The following OCA2 variants were observed in gnomAD, a reference collection of about 807,000 sequenced individuals.
OCA2 encodes the protein OCA2 melanosomal transmembrane protein.
A neutral mutation model predicts 100.2 loss-of-function variants in OCA2; 77 were observed. The ratio of observed to expected loss-of-function variants is 0.77; its 90% CI spans 0.64 to 0.93. OCA2 has a LOEUF of 0.93. Ranked by LOEUF, OCA2 falls within the 40% of genes least tolerant of loss-of-function variation. The probability of loss-of-function intolerance (pLI) is 0.00; values close to 1 mark genes in which losing one functional copy is unlikely to be tolerated. For missense variants in OCA2, 1,062 were observed against 1,089.1 expected (o/e 0.98, Z 0.35); for synonymous variants, 432 against 439.2 (o/e 0.98, Z 0.21).
chr15:28,054,150 T>C (rs2043608222), intron 2 of OCA2, among the ~76,000 whole-genome samples: 1 of 152,234 alleles, frequency 6.6e-6, no homozygotes, highest in South Asian at 2.1e-4. Context: ...ATACAAATAC[T>C]GTACATATAT....
At chr15:27,736,277 C>T in the OCA2 span, among the ~76,000 whole-genome samples, 1 of 152,146 alleles carries the variant, frequency 6.6e-6, no homozygotes, top group East Asian at 1.9e-4. Context: ...TCCTGATGGA[C>T]TATCCCCAGA....
At chr15:27,959,638 G>A (rs978506390) in intron 15 of OCA2, among the ~76,000 whole-genome samples, 2 of 152,128 alleles carry the variant, frequency 1.3e-5, no homozygotes, top group Non-Finnish European at 2.9e-5. Flanking sequence ...CCAGCCCCTG[G>A]GTGCGGGCTG....
intron 2 of OCA2, among the ~76,000 whole-genome samples, chr15:28,077,284 C>T (rs1353691611): frequency 1.3e-5 from 2 of 152,114 alleles, no homozygotes; most frequent in Non-Finnish European, 2.9e-5. Flanking sequence ...GTCTCGAACT[C>T]CTGACCTCAG....
chr15:27,888,194 A>T (rs1378723267), intron 19 of OCA2, among the ~76,000 whole-genome samples: 3 of 152,232 alleles, frequency 2.0e-5, no homozygotes, highest in Non-Finnish European at 4.4e-5. Context: ...GGCAGCACCC[A>T]GCAGCACTGG....
At chr15:27,998,376 A>C in intron 9 of OCA2, among the ~76,000 whole-genome samples, 2 of 93,660 alleles carry the variant, frequency 2.1e-5, no homozygotes, top group African/African-American at 5.4e-5. Context: ...ACCCCATCAA[A>C]AAGTGGGTGA....
intron 9 of OCA2, among the ~76,000 whole-genome samples, chr15:28,005,395 C>T (rs1446854335): frequency 6.6e-6 from 1 of 152,158 alleles, no homozygotes; most frequent in African/African-American, 2.4e-5. Context: ...GTTTCCCGGG[C>T]TGCTGTCACC....
chr15:27,769,541 G>C (rs58621774), intron 23 of OCA2, among the ~76,000 whole-genome samples: 7,154 of 152,104 alleles, frequency 0.047, 554 homozygotes, highest in African/African-American at 0.16. Flanking sequence ...TTGGGTGCAG[G>C]GCACACTGCT....
chr15:28,019,321 G>C (rs760100996), intron 6 of OCA2, among the ~76,000 whole-genome samples: 1 of 150,680 alleles, frequency 6.6e-6, no homozygotes, highest in Non-Finnish European at 1.5e-5. Flanking sequence ...GGAAGGGAGG[G>C]AGGAAGAGAA....
At chr15:27,830,725 C>T (rs1222007965) in intron 23 of OCA2, among the ~76,000 whole-genome samples, 1 of 152,108 alleles carries the variant, frequency 6.6e-6, no homozygotes, top group Non-Finnish European at 1.5e-5. Flanking sequence ...AGCTTCAAGT[C>T]ATTTCATAGC....
intron 9 of OCA2, among the ~76,000 whole-genome samples, chr15:28,007,342 T>C (rs2042117117): frequency 6.6e-6 from 1 of 152,342 alleles, no homozygotes; most frequent in Admixed American, 6.5e-5. Context: ...GAATGCTGCA[T>C]TGGGAAATCT....
At chr15:27,906,850 C>CA (rs1264606938) in intron 19 of OCA2, among the ~76,000 whole-genome samples, 1 of 152,164 alleles carries the variant, frequency 6.6e-6, no homozygotes, top group African/African-American at 2.4e-5. Context: ...AACATCCACT[C>CA]AGCTTCTGGT....
At chr15:27,893,904 A>C (rs2037573959) in intron 19 of OCA2, among the ~76,000 whole-genome samples, 1 of 152,160 alleles carries the variant, frequency 6.6e-6, no homozygotes, top group South Asian at 2.1e-4. Flanking sequence ...CCTCAGAAGC[A>C]TGTGATCTTT....
intron 15 of OCA2, among the ~76,000 whole-genome samples, chr15:27,963,736 T>A (rs966758583): frequency 2.0e-5 from 3 of 150,906 alleles, no homozygotes; most frequent in Admixed American, 2.0e-4. Context: ...AGCCTGAAAG[T>A]AAGCAGAAAA....
chr15:27,739,759 T>G, the OCA2 span, among the ~76,000 whole-genome samples: 1 of 152,028 alleles, frequency 6.6e-6, no homozygotes, highest in South Asian at 2.1e-4. Context: ...ATTAATGATT[T>G]CTAAGCACAT....
intron 23 of OCA2, among the ~76,000 whole-genome samples, chr15:27,842,464 C>G (rs761485338): frequency 6.6e-6 from 1 of 152,196 alleles, no homozygotes; most frequent in African/African-American, 2.4e-5. Flanking sequence ...GAAAATAAAT[C>G]TTTGAGTTAG....
intron 23 of OCA2, among the ~76,000 whole-genome samples, chr15:27,780,358 T>C (rs1319870577): frequency 6.6e-6 from 1 of 152,210 alleles, no homozygotes; most frequent in African/African-American, 2.4e-5. Context: ...CATTCCCCTT[T>C]GGAATATGGG....
chr15:27,867,487 T>G (rs773962308), intron 21 of OCA2, among the ~76,000 whole-genome samples: 1 of 151,868 alleles, frequency 6.6e-6, no homozygotes, highest in Non-Finnish European at 1.5e-5. Flanking sequence ...AAAAAGAATT[T>G]AAAATAAATA....
chr15:27,887,003 C>G (rs2037249436), intron 19 of OCA2, among the ~76,000 whole-genome samples: 1 of 152,198 alleles, frequency 6.6e-6, no homozygotes, highest in South Asian at 2.1e-4. Context: ...GGGGGCTGCT[C>G]TTTCCCAGCT....
chr15:27,992,366 CTGGGATTAT>C (rs1030454118), intron 9 of OCA2, among the ~76,000 whole-genome samples: 25 of 152,328 alleles, frequency 1.6e-4, no homozygotes, highest in African/African-American at 5.8e-4. Flanking sequence ...TCCCAAACTG[CTGGGATTAT>C]AGGCATGAGC....
Sources: allele counts gnomAD v4.1 joint callset (sites outside exome capture counted in the v4.1 genomes callset), GRCh38; gene constraint gnomAD v4.1.1; transcripts MANE v1.5; gene names NCBI Gene and HGNC (gene_info 2026-07-23, HGNC 2026-07-21).